The following FBN3 variants were observed in gnomAD, a reference collection of about 807,000 sequenced individuals.
FBN3 encodes the protein fibrillin 3.
FBN3 carries 234 observed loss-of-function variants against 330.1 expected under a neutral mutation model. That is an observed-to-expected ratio of 0.71 (90% CI 0.64 to 0.79). The LOEUF (loss-of-function observed/expected upper bound fraction) is 0.79, where lower values mean the gene tolerates loss of function less well. FBN3 is among the 30% of genes least tolerant of loss of function. FBN3 has a pLI of 0.00. For synonymous variants in FBN3, 1,458 were observed against 1,517.3 expected, an observed-to-expected ratio of 0.96 and a Z score of 0.91; for missense variants, 3,606 against 3,886.9, an observed-to-expected ratio of 0.93 and a Z score of 1.92.
At position 8,103,971 on chromosome 19, in the gene FBN3, A is replaced by C. The variant is rs140977398; in HGVS notation, c.4814-284T>G. ...GGCAACATAGCAAGACCCCATCTCTACTAAAAATTTTAAAAAATTAGCTGG... is the reference window on the plus strand; with the variant it reads ...GGCAACATAGCAAGACCCCATCTCTCCTAAAAATTTTAAAAAATTAGCTGG... On this transcript the variant is annotated intron_variant, in intron 38 of 63. Coordinates refer to ENST00000600128, the MANE Select transcript of FBN3 (RefSeq NM_032447.5). Among the ~76,000 whole-genome samples, 776 of 151,854 alleles carry C rather than the reference A, an allele frequency of 5.1e-3. 5 individuals are homozygous for C. Among genetic ancestry groups the C allele is most frequent in the Non-Finnish European group, 8.6e-3 (581 of 67,934 alleles).
chr19:8,135,935 T>TTGGGGGGGGGGGGCGGC, intron 13 of FBN3, 26 bp downstream of exon 13: 1 of 1,344,156 alleles, frequency 7.4e-7, no homozygotes, highest in Non-Finnish European at 1.0e-6. Context: ...CGGAAGCCCC[T>TTGGGGGGGGGGGGCGGC]GCCCACCCGC....
chr19:8,135,936 G>GCCACCCCCCCC, intron 13 of FBN3, 25 bp downstream of exon 13: 4 of 668,778 alleles, frequency 6.0e-6, no homozygotes, highest in Admixed American at 2.9e-5. Context: ...GGAAGCCCCT[G>GCCACCCCCCCC]CCCACCCGCC....
chr19:8,068,718 A>C (rs1243045926), intron 63 of FBN3, among the ~76,000 whole-genome samples: 1 of 123,436 alleles, frequency 8.1e-6, no homozygotes, highest in African/African-American at 2.8e-5. Context: ...ATAAATAAAT[A>C]AATAAATAAT....
intron 48 of FBN3, 118 bp from the exon 49 acceptor site, chr19:8,090,369 A>G: frequency 1.8e-6 from 2 of 1,133,246 alleles, no homozygotes; most frequent in Non-Finnish European, 2.5e-6. Flanking sequence ...CCAGTGGCCA[A>G]TCAGAACATG....
intron 4 of FBN3, 62 bp from the exon 5 acceptor site, chr19:8,146,000 GA>G: frequency 6.7e-7 from 1 of 1,502,492 alleles, no homozygotes; most frequent in Non-Finnish European, 9.1e-7. Context: ...GCCCTCCTAG[GA>G]AGGCTGCAGG....
rs775338746 is a variant in FBN3, at chr19:8,086,275, C to T, written c.6805G>A (p.Val2269Ile). 1.2e-6 allele frequency: 2 copies of T among 1,612,598 alleles called. No homozygotes were observed. The highest frequency in any genetic ancestry group is 1.1e-5 in the South Asian group (1 of 90,986). Reference sequence around the variant, plus strand: ...CACCGGAAGCTGCCCGCGGTGTTGACACAGCGGCCGTTGACACAGAGGTCA... The same window carrying T: ...CACCGGAAGCTGCCCGCGGTGTTGATACAGCGGCCGTTGACACAGAGGTCA... ...QPDLCVNGRC[V>I]NTAGSFRCDC... Residue 2269 changes from valine (V) to isoleucine (I), a missense_variant, in exon 55 of 64, where the codon GTC becomes ATC. Physicochemically the swap from Val to Ile is conservative, Grantham distance 29. Coordinates refer to ENST00000600128, the MANE Select transcript of FBN3 (RefSeq NM_032447.5).
intron 24 of FBN3, among the ~76,000 whole-genome samples, chr19:8,122,289 C>A (rs749871769): frequency 6.6e-6 from 1 of 151,444 alleles, no homozygotes; most frequent in Non-Finnish European, 1.5e-5. Context: ...GTGCTGGGAT[C>A]ACAGGCGTGA....
chr19:8,116,778 TTC>T lies in FBN3; in HGVS notation c.3606_3607del (p.Asn1203ProfsTer5). 1 of 1,613,552 alleles carries T rather than the reference TTC, an allele frequency of 6.2e-7. No homozygotes were observed. The highest frequency in any genetic ancestry group is 8.5e-7 in the Non-Finnish European group (1 of 1,179,860). On this transcript the variant is annotated frameshift_variant, in exon 29 of 64. Transcript: ENST00000600128. LOFTEE classifies it high-confidence loss of function. ...GTGGCCTTGGTCACAAACGCGGGGG[TTC>T]TCTTCACACTCGTCCACGTCTGGGG...
rs1382867590 is a variant in FBN3, at chr19:8,147,129, G to T, written c.225C>A (p.Phe75Leu). ...GTACGACACACTGGCTCCTGCCAGG[G>T]AATGTCCTCCAGCCTGGACAGCAGT... is the stretch of plus-strand genomic sequence containing the variant. ...HAYCCPGWRTFPGRSQCVVPI... is the reference protein window; with the variant it reads ...HAYCCPGWRTLPGRSQCVVPI... Residue 75 changes from phenylalanine (F) to leucine (L), a missense_variant, in exon 3 of 64, where the codon TTC (phenylalanine) becomes TTA (leucine). Phe to Leu is a conservative substitution (Grantham distance 22). Coordinates refer to ENST00000600128, the MANE Select transcript of FBN3 (RefSeq NM_032447.5). 1.3e-6 allele frequency: 2 copies of T among 1,569,984 alleles called. No homozygotes were observed. Among genetic ancestry groups the T allele is most frequent in the African/African-American group, 2.7e-5 (2 of 73,944 alleles).
rs750263665 is a variant in FBN3 at position 8,085,468 on chromosome 19, C to T, written c.6982G>A (p.Gly2328Ser). 3 of 1,585,438 alleles carry T rather than the reference C, an allele frequency of 1.9e-6. No individual in the cohort carries two copies. In the African/African-American group the frequency reaches 4.0e-5, roughly 21 times the overall value. Residue 2328 changes from glycine (G) to serine (S), a missense_variant, in exon 56 of 64, where the codon GGT (glycine) becomes AGT (serine). Gly to Ser is a moderately conservative substitution (Grantham distance 56). Coordinates refer to ENST00000600128, the MANE Select transcript of FBN3 (RefSeq NM_032447.5). The part of the protein sequence containing the change: ...AVTRAECCCG[G>S]GRGWGPRCEL... Reference sequence around the variant, plus strand: ...CAGCGGGGCCCCCAGCCCCGGCCACCCCCACAGCAGCACTCGGCCCTGGTG... The same window carrying T: ...CAGCGGGGCCCCCAGCCCCGGCCACTCCCACAGCAGCACTCGGCCCTGGTG...
At chr19:8,095,536 C>A in intron 45 of FBN3, 33 bp from the exon 46 acceptor site, 1 of 1,604,512 alleles carries the variant, frequency 6.2e-7, no homozygotes, top group Non-Finnish European at 8.5e-7. Context: ...CCAGTTCACC[C>A]ACAAAACTTG....
At chr19:8,094,620 T>A (rs939363203) in intron 46 of FBN3, 55 bp from the exon 47 acceptor site, 73 of 1,577,008 alleles carry the variant, frequency 4.6e-5, no homozygotes, top group Non-Finnish European at 5.8e-5. Flanking sequence ...GGGGGCTCAC[T>A]TGGGACTGGG....
chr19:8,135,935 T>TCCCCCCCCCCCCCCCCC, intron 13 of FBN3, 26 bp downstream of exon 13: 1 of 1,344,156 alleles, frequency 7.4e-7, no homozygotes, highest in Non-Finnish European at 1.0e-6. Context: ...CGGAAGCCCC[T>TCCCCCCCCCCCCCCCCC]GCCCACCCGC....
chr19:8,087,090 C>G lies in FBN3; in HGVS notation c.6741G>C (p.Gly2247=), dbSNP rs771197064. Residue 2247 remains glycine, a synonymous_variant, in exon 54 of 64, where the codon GGG becomes GGC. Coordinates refer to ENST00000600128, the MANE Select transcript of FBN3 (RefSeq NM_032447.5). The part of the protein sequence containing the change: ...PPGMRPLPGS[G]EGCTDDNECH... ...AGTGCCCCATACCTGTGCAGCCCTC[C>G]CCAGAGCCAGGCAGGGGCCGCATGC... 1.1e-5 allele frequency: 17 copies of G among 1,608,982 alleles called. No homozygotes were observed. The highest frequency in any genetic ancestry group is 1.3e-5 in the African/African-American group (1 of 74,740).
intron 18 of FBN3, among the ~76,000 whole-genome samples, chr19:8,127,486 A>G (rs73009364): frequency 0.11 from 16,935 of 152,170 alleles, 1,000 homozygotes; most frequent in Middle Eastern, 0.14. Flanking sequence ...GTGCCCTATA[A>G]TTCAATTCTG....
In FBN3 at chr19:8,096,252, A is replaced by AC. The variant is rs1197513436; in HGVS notation, c.5540-173dup. ...GGAAGTACTCCTGGTATGATATATC[A>AC]CCCCCATTTTACAGATGGGAAAACT... On this transcript the variant is annotated intron_variant, in intron 44 of 63. Coordinates refer to ENST00000600128, the MANE Select transcript of FBN3 (RefSeq NM_032447.5). The surrounding 1 kb of genome is among the most constrained non-coding windows in gnomAD (Gnocchi z 4.6). 6.6e-6 allele frequency among the ~76,000 whole-genome samples: 1 copy of AC among 151,966 alleles called. No individual in the cohort carries two copies. The highest frequency in any genetic ancestry group is 2.4e-5 in the African/African-American group (1 of 41,348).
At chr19:8,093,096 TA>T (rs1316611123) in intron 47 of FBN3, among the ~76,000 whole-genome samples, 2 of 151,836 alleles carry the variant, frequency 1.3e-5, no homozygotes, top group East Asian at 3.9e-4. Flanking sequence ...ATTTAAACCT[TA>T]AAAAAAGAAA....
In FBN3 at chr19:8,102,724, G is replaced by A. The variant is rs753334464; in HGVS notation, c.5089C>T (p.Pro1697Ser). Residue 1697 changes from proline to serine, a missense_variant and splice_region_variant, in exon 40 of 64, where the codon CCT (proline) becomes TCT (serine). Physicochemically the swap from Pro to Ser is moderately conservative, Grantham distance 74. Coordinates refer to ENST00000600128, the MANE Select transcript of FBN3 (RefSeq NM_032447.5). ...AAGAAGGTTGGGGAGGGTTACTCACGACTGATGGGAGTGGGGCAGGCCTCA... is the reference window on the plus strand; with the variant it reads ...AAGAAGGTTGGGGAGGGTTACTCACAACTGATGGGAGTGGGGCAGGCCTCA... The part of the protein sequence containing the change: ...PCEACPTPIS[P>S]DYQILCGNQA... 9 of 1,611,834 alleles carry A rather than the reference G, an allele frequency of 5.6e-6. No individual in the cohort carries two copies. The highest frequency in any genetic ancestry group is 1.7e-5 in the Admixed American group (1 of 59,960).
intron 38 of FBN3, among the ~76,000 whole-genome samples, chr19:8,104,228 T>C (rs1157510335): frequency 6.6e-6 from 1 of 151,424 alleles, no homozygotes; most frequent in Non-Finnish European, 1.5e-5. Context: ...CATCCCTGCT[T>C]TGGGAGGCCA....
Sources: allele counts gnomAD v4.1 joint callset (sites outside exome capture counted in the v4.1 genomes callset), GRCh38; gene constraint gnomAD v4.1.1; non-coding constraint Gnocchi (gnomAD v3.1); transcripts MANE v1.5; gene names NCBI Gene and HGNC (gene_info 2026-07-23, HGNC 2026-07-21).